The following CNBD1 variants were observed in gnomAD, a reference collection of about 807,000 sequenced individuals.
The protein encoded by CNBD1 is cyclic nucleotide binding domain containing 1.
CNBD1 carries 71 observed loss-of-function variants against 54.4 expected under a neutral mutation model. That is an observed-to-expected ratio of 1.30 (90% CI 1.08 to 1.59). The LOEUF (loss-of-function observed/expected upper bound fraction) is 1.59. CNBD1 is among the 40% of genes most tolerant of loss of function. The pLI, the probability that CNBD1 is intolerant of heterozygous loss-of-function variation, is 0.00. For synonymous variants in CNBD1, 182 were observed against 170.7 expected (o/e 1.07, Z -0.51); for missense variants, 659 against 518.0 (o/e 1.27, Z -2.64).
At chr8:87,137,195 TTA>T (rs530392551) in intron 4 of CNBD1, among the ~76,000 whole-genome samples, 12 of 142,576 alleles carry the variant, frequency 8.4e-5, no homozygotes, top group Admixed American at 2.2e-4. Flanking sequence ...TCTATATAAA[TTA>T]TATATATATT....
At chr8:87,424,772 C>T (rs546840475) in intron 2 of CNBD1, among the ~76,000 whole-genome samples, 4 of 152,272 alleles carry the variant, frequency 2.6e-5, no homozygotes, top group Admixed American at 2.0e-4. Context: ...TTCATTTCAA[C>T]TTTGGTGAAT....
intron 4 of CNBD1, among the ~76,000 whole-genome samples, chr8:87,087,715 C>T (rs988144234): frequency 2.6e-5 from 4 of 152,102 alleles, no homozygotes; most frequent in African/African-American, 9.7e-5. Flanking sequence ...ATCCGCCCGC[C>T]TCGGCCTCCC....
chr8:87,323,266 T>G (rs1290822566), intron 8 of CNBD1, among the ~76,000 whole-genome samples: 2 of 101,618 alleles, frequency 2.0e-5, no homozygotes, highest in Non-Finnish European at 2.2e-5. Context: ...TCTTTTGGCT[T>G]AGGATTGACT....
At chr8:87,414,351 A>T (rs1807802154) in intron 2 of CNBD1, among the ~76,000 whole-genome samples, 2 of 152,110 alleles carry the variant, frequency 1.3e-5, no homozygotes, top group African/African-American at 4.8e-5. Flanking sequence ...GAAGGGGAAC[A>T]TCACACTCCA....
At chr8:87,105,732 A>C (rs1811521582) in intron 4 of CNBD1, among the ~76,000 whole-genome samples, 1 of 150,994 alleles carries the variant, frequency 6.6e-6, no homozygotes, top group Non-Finnish European at 1.5e-5. Flanking sequence ...TTTGGATTGG[A>C]TCTTGGACAT....
At chr8:87,364,783 T>G (rs114637805) in intron 10 of CNBD1, among the ~76,000 whole-genome samples, 2,852 of 152,110 alleles carry the variant, frequency 0.019, 89 homozygotes, top group African/African-American at 0.062. Context: ...AAGGATAATG[T>G]CCCCCAGTTC....
At chr8:87,425,042 A>G (rs1413705786) in intron 2 of CNBD1, among the ~76,000 whole-genome samples, 1 of 151,166 alleles carries the variant, frequency 6.6e-6, no homozygotes, top group African/African-American at 2.4e-5. Flanking sequence ...TTTTCTCTAA[A>G]CTTTCCTTCT....
At chr8:86,972,235 C>T (rs955387456) in intron 4 of CNBD1, among the ~76,000 whole-genome samples, 4 of 152,170 alleles carry the variant, frequency 2.6e-5, no homozygotes, top group African/African-American at 9.7e-5. Context: ...CAGGCTTGAG[C>T]CACCGTGCCT....
At chr8:87,369,204 C>T (rs1378539319) in intron 10 of CNBD1, among the ~76,000 whole-genome samples, 4 of 151,824 alleles carry the variant, frequency 2.6e-5, no homozygotes, top group East Asian at 1.9e-4. Context: ...AGGAAGGAAA[C>T]ATATTTTTCT....
chr8:87,017,497 C>A (rs1488749439), intron 4 of CNBD1, among the ~76,000 whole-genome samples: 1 of 152,102 alleles, frequency 6.6e-6, no homozygotes, highest in Non-Finnish European at 1.5e-5. Context: ...CTAAAGCTAT[C>A]CCTATATTAA....
chr8:87,202,660 C>T (rs76938311), intron 4 of CNBD1, among the ~76,000 whole-genome samples: 3,573 of 152,138 alleles, frequency 0.023, 122 homozygotes, highest in African/African-American at 0.069. Flanking sequence ...AAGACTTTTG[C>T]AGTTTTATAG....
At chr8:87,421,153 C>G (rs1310910437) in intron 2 of CNBD1, among the ~76,000 whole-genome samples, 1 of 152,004 alleles carries the variant, frequency 6.6e-6, no homozygotes, top group Non-Finnish European at 1.5e-5. Context: ...GAGCTGAGAA[C>G]CAAATTTTAC....
chr8:87,145,215 A>G (rs1812457890), intron 4 of CNBD1, among the ~76,000 whole-genome samples: 1 of 152,210 alleles, frequency 6.6e-6, no homozygotes, highest in Non-Finnish European at 1.5e-5. Context: ...CACATCAATT[A>G]CAACAGAATG....
At chr8:87,179,158 C>T (rs1813259741) in intron 4 of CNBD1, among the ~76,000 whole-genome samples, 1 of 152,116 alleles carries the variant, frequency 6.6e-6, no homozygotes, top group Non-Finnish European at 1.5e-5. Flanking sequence ...ATCCACCCGC[C>T]TTGGCCTCCC....
At chr8:87,342,469 T>A (rs376299149) in intron 8 of CNBD1, among the ~76,000 whole-genome samples, 1 of 152,296 alleles carries the variant, frequency 6.6e-6, no homozygotes, top group East Asian at 1.9e-4. Flanking sequence ...TTAGAAAATG[T>A]AATTATGTTA....
chr8:87,341,531 C>T (rs542866578), intron 8 of CNBD1, among the ~76,000 whole-genome samples: 2 of 152,254 alleles, frequency 1.3e-5, no homozygotes, highest in South Asian at 4.1e-4. Flanking sequence ...TCTTTGCCAT[C>T]TACAAAATTC....
At chr8:87,422,359 T>C (rs1207799958) in intron 2 of CNBD1, among the ~76,000 whole-genome samples, 2 of 137,734 alleles carry the variant, frequency 1.5e-5, no homozygotes, top group Non-Finnish European at 3.1e-5. Context: ...CGTGCCTATG[T>C]CCTGAATGGT....
At chr8:87,387,199 A>G (rs60991729), downstream of CNBD1, among the ~76,000 whole-genome samples, 25,372 of 152,096 alleles carry the variant, frequency 0.17, 2,964 homozygotes, top group African/African-American at 0.34. Flanking sequence ...TGCATCAACT[A>G]ATGAGCAAAA....
intron 4 of CNBD1, among the ~76,000 whole-genome samples, chr8:87,014,870 A>C (rs1472442079): frequency 6.6e-6 from 1 of 152,040 alleles, no homozygotes; most frequent in Non-Finnish European, 1.5e-5. Flanking sequence ...AAAGAATGTA[A>C]AAAGAAAAAT....
Sources: allele counts gnomAD v4.1 joint callset (sites outside exome capture counted in the v4.1 genomes callset), GRCh38; gene constraint gnomAD v4.1.1; transcripts MANE v1.5; gene names NCBI Gene and HGNC (gene_info 2026-07-23, HGNC 2026-07-21).